CCDC34: variants seen among roughly 807,000 people sequenced by gnomAD.
CCDC34 encodes the protein coiled-coil domain-containing protein 34.
A neutral mutation model predicts 44.1 loss-of-function variants in CCDC34; 40 were observed. The observed-to-expected ratio is 0.91, with a 90% CI of 0.70 to 1.18. The LOEUF (loss-of-function observed/expected upper bound fraction) is 1.18. Ranked by LOEUF, CCDC34 falls within the 50% of genes most tolerant of loss-of-function variation. CCDC34 has a pLI of 0.00. For synonymous variants in CCDC34, 159 were observed against 158.2 expected, an observed-to-expected ratio of 1.01 and a Z score of -0.04; for missense variants, 466 against 452.3, an observed-to-expected ratio of 1.03 and a Z score of -0.28.
In CCDC34 at chr11:27,341,392, C is replaced by A. The variant is rs1355773246; in HGVS notation, c.765G>T (p.Lys255Asn). 7 of 1,424,340 alleles carry A rather than the reference C, an allele frequency of 4.9e-6. No individual in the cohort carries two copies. The highest frequency in any genetic ancestry group is 2.4e-5 in the East Asian group (1 of 42,298). 88.2% of individuals were successfully genotyped at this position (1,424,340 alleles called of 1,614,324 possible). Reference protein sequence around the residue: ...AEECERKKKEKEKEKQQQAEI... With the variant: ...AEECERKKKENEKEKQQQAEI... ...TAACTGGTCACTTTAATAAAAATAC[C>A]TTTTCTTTCTTCTTCCTCTCACATT... Residue 255 changes from lysine to asparagine, a missense_variant and splice_region_variant, in exon 4 of 6, where the codon AAG (lysine) becomes AAT (asparagine). Coordinates refer to ENST00000328697, the MANE Select transcript of CCDC34 (RefSeq NM_030771.2).
At chr11:27,362,424 T>A (rs376745575) in intron 1 of CCDC34, among the ~76,000 whole-genome samples, 17 of 152,332 alleles carry the variant, frequency 1.1e-4, no homozygotes, top group African/African-American at 3.8e-4. Flanking sequence ...GCAATCAGTA[T>A]GTTTTCAGAA....
chr11:27,338,785 T>C lies in CCDC34; in HGVS notation c.*36A>G, dbSNP rs375872108. The C allele has an allele frequency of 3.3e-6, 5 of 1,516,176 alleles. No homozygotes were observed. Among genetic ancestry groups the C allele is most frequent in the Non-Finnish European group, 4.5e-6 (5 of 1,099,734 alleles). The allele number at this position is 1,516,176 out of a possible 1,614,324, so 93.9% of individuals were successfully genotyped here. ...AACAATTTCTGATTTTTAAATTAAA[T>C]AGCTCCAGATAAAAGCATGTTATTT... On this transcript the variant is annotated 3_prime_UTR_variant, in exon 6 of 6. Transcript: ENST00000328697.
intron 2 of CCDC34, among the ~76,000 whole-genome samples, chr11:27,353,423 C>T (rs1862531439): frequency 6.6e-6 from 1 of 151,524 alleles, no homozygotes; most frequent in Non-Finnish European, 1.5e-5. Context: ...TAGAATCAGC[C>T]AATGACCATA....
chr11:27,359,142 A>G (rs1441552850), intron 1 of CCDC34, among the ~76,000 whole-genome samples: 1 of 151,114 alleles, frequency 6.6e-6, no homozygotes, highest in Non-Finnish European at 1.5e-5. Flanking sequence ...TCATCCCTCA[A>G]ATGTTATCTT....
At chr11:27,344,922 C>G (rs1862411830) in intron 3 of CCDC34, among the ~76,000 whole-genome samples, 2 of 152,134 alleles carry the variant, frequency 1.3e-5, no homozygotes, top group African/African-American at 2.4e-5. Flanking sequence ...AGGATTTACA[C>G]TATCTGATTT....
chr11:27,343,385 G>A (rs557433909), intron 3 of CCDC34, among the ~76,000 whole-genome samples: 2 of 145,578 alleles, frequency 1.4e-5, no homozygotes, highest in East Asian at 2.0e-4. Flanking sequence ...CTGGGAGACA[G>A]AGCAAGACTC....
intron 3 of CCDC34, chr11:27,349,901 AAGG>A (rs1199569656): frequency 9.9e-7 from 1 of 1,010,764 alleles, no homozygotes. Context: ...TTGTAAAGAA[AAGG>A]AGGAGATGAT....
chr11:27,349,706 T>C (rs1862478609), intron 3 of CCDC34: 1 of 979,656 alleles, frequency 1.0e-6, no homozygotes, highest in African/African-American at 1.7e-5. Flanking sequence ...AGCCATTCAA[T>C]GAACATCTTC....
intron 2 of CCDC34, among the ~76,000 whole-genome samples, chr11:27,350,869 T>A (rs1195415114): frequency 6.6e-6 from 1 of 152,200 alleles, no homozygotes; most frequent in East Asian, 1.9e-4. Flanking sequence ...TATTAAAAAT[T>A]TAATTCAGTT....
At chr11:27,347,085 G>A (rs966408765) in intron 3 of CCDC34, among the ~76,000 whole-genome samples, 3 of 152,032 alleles carry the variant, frequency 2.0e-5, no homozygotes, top group Non-Finnish European at 4.4e-5. Flanking sequence ...AGCTCTAGAA[G>A]ACTAATATAA....
At chr11:27,341,746 T>C (rs1268338684) in intron 3 of CCDC34, among the ~76,000 whole-genome samples, 196 bp from the exon 4 acceptor site, 1 of 152,186 alleles carries the variant, frequency 6.6e-6, no homozygotes, top group African/African-American at 2.4e-5. Flanking sequence ...GTCTACCTGC[T>C]GGGCTATAAG....
At chr11:27,354,278 T>C (rs1464158362) in intron 2 of CCDC34, among the ~76,000 whole-genome samples, 1 of 152,184 alleles carries the variant, frequency 6.6e-6, no homozygotes. Flanking sequence ...TGAACCAAAT[T>C]ACAAATAATT....
At chr11:27,349,275 C>G (rs1439954317) in intron 3 of CCDC34, 1 of 927,626 alleles carries the variant, frequency 1.1e-6, no homozygotes. Flanking sequence ...TCACAAAGAT[C>G]TCTTTCATGT....
chr11:27,362,837 T>G lies in CCDC34; in HGVS notation c.358A>C (p.Ser120Arg). Residue 120 changes from serine (S) to arginine (R), a missense_variant and splice_region_variant, in exon 1 of 6, where the codon AGC becomes CGC. By Grantham distance (110) the Ser-to-Arg change is moderately radical. Coordinates refer to ENST00000328697, the MANE Select transcript of CCDC34 (RefSeq NM_030771.2). Reference protein sequence around the residue: ...LRGMELQGCASTQVESENNQE... With the variant: ...LRGMELQGCARTQVESENNQE... ...TCGGCCGGGCGGCCTCGGGTTTACC[T>G]GGCGCACCCCTGTAACTCCATTCCT... is the stretch of plus-strand genomic sequence containing the variant. The G allele has an allele frequency of 1.2e-6, 2 of 1,612,768 alleles. No individual in the cohort carries two copies. The highest frequency in any genetic ancestry group is 1.7e-6 in the Non-Finnish European group (2 of 1,178,982).
intron 2 of CCDC34, among the ~76,000 whole-genome samples, chr11:27,356,008 ATT>A (rs34146389): frequency 0.04 from 2,792 of 69,356 alleles, 34 homozygotes; most frequent in East Asian, 0.088. Flanking sequence ...TGTTCCCAGG[ATT>A]TTTTTTTTTT....
Position 27,352,139 on chromosome 11 carries a change from T to C in CCDC34, c.499-1700A>G, listed in dbSNP as rs150471930. ...GGCTCATGCCTGTAATCCCAGCACTTTGGGAAGCTGAAGCGGATGGATCAC... is the reference window on the plus strand; with the variant it reads ...GGCTCATGCCTGTAATCCCAGCACTCTGGGAAGCTGAAGCGGATGGATCAC... On this transcript the variant is annotated intron_variant, in intron 2 of 5. Coordinates refer to ENST00000328697, the MANE Select transcript of CCDC34 (RefSeq NM_030771.2). Among the ~76,000 whole-genome samples the C allele has an allele frequency of 5.5e-3, 840 of 152,138 alleles. 7 individuals carry two copies. The highest frequency in any genetic ancestry group is 0.019 in the African/African-American group (803 of 41,502).
At chr11:27,357,293 A>C (rs1354123167) in intron 2 of CCDC34, 110 bp downstream of exon 2, 31 of 1,043,942 alleles carry the variant, frequency 3.0e-5, no homozygotes, top group Non-Finnish European at 4.1e-5. Flanking sequence ...AACTAACATA[A>C]ATGCAAAGAC....
chr11:27,349,123 GA>G, intron 3 of CCDC34: 1 of 983,498 alleles, frequency 1.0e-6, no homozygotes, highest in Non-Finnish European at 1.2e-6. Flanking sequence ...AATGGAGTTA[GA>G]AGATAAGAAG....
chr11:27,351,625 T>A (rs1862504116), intron 2 of CCDC34, among the ~76,000 whole-genome samples: 1 of 152,216 alleles, frequency 6.6e-6, no homozygotes, highest in South Asian at 2.1e-4. Flanking sequence ...GACCTAGCAA[T>A]AACTGATATA....
Sources: allele counts gnomAD v4.1 joint callset (sites outside exome capture counted in the v4.1 genomes callset), GRCh38; gene constraint gnomAD v4.1.1; transcripts MANE v1.5; gene names NCBI Gene and HGNC (gene_info 2026-07-23, HGNC 2026-07-21).